ALDH9A1: variants seen among roughly 807,000 people sequenced by gnomAD.
ALDH9A1 encodes aldehyde dehydrogenase 9 family member A1.
Under a neutral mutation model 56.6 loss-of-function variants are expected in ALDH9A1, and 42 were observed. The observed-to-expected ratio is 0.74, with a 90% CI of 0.58 to 0.96. The LOEUF is 0.96. Ranked by LOEUF, ALDH9A1 falls within the 40% of genes least tolerant of loss-of-function variation. The pLI is 0.00. For missense variants in ALDH9A1, 661 were observed against 651.5 expected (o/e 1.01, Z -0.16); for synonymous variants, 242 against 236.0 (o/e 1.03, Z -0.23).
Position 165,678,057 on chromosome 1 carries a change from C to T in ALDH9A1, c.930+1385G>A, listed in dbSNP as rs1000060334. Among the ~76,000 whole-genome samples, 11 of 148,774 alleles carry T rather than the reference C, an allele frequency of 7.4e-5. No homozygotes were observed. The East Asian group carries it at 2.1e-3, about 28-fold the overall frequency. ...CTCAATAAAAAAATAAAATAAAGGC[C>T]GGGTACAGTGGCTCACACTTGTAAT... On this transcript the variant is annotated intron_variant, in intron 6 of 10. Coordinates refer to ENST00000354775, the MANE Select transcript of ALDH9A1 (RefSeq NM_000696.4).
Position 165,683,005 on chromosome 1 carries a change from C to A in ALDH9A1, c.433G>T (p.Ala145Ser). 6.2e-7 allele frequency: 1 copy of A among 1,614,052 alleles called. No homozygotes were observed. ...CCAGCCATGGATGCAGCCAAGCCCGCATAATACTCCAGGCACTGCCAGGAA... is the reference window on the plus strand; with the variant it reads ...CCAGCCATGGATGCAGCCAAGCCCGAATAATACTCCAGGCACTGCCAGGAA... ...DISWQCLEYY[A>S]GLAASMAGEH... The change falls in exon 3 of 11, where the codon GCG becomes TCG. Residue 145 changes from alanine to serine, a missense_variant. By Grantham distance (99) the Ala-to-Ser change is moderately conservative. Transcript: ENST00000354775.
intron 6 of ALDH9A1, among the ~76,000 whole-genome samples, chr1:165,675,880 A>G (rs1017612659): frequency 6.6e-6 from 1 of 152,178 alleles, no homozygotes; most frequent in Non-Finnish European, 1.5e-5. Flanking sequence ...CTCTAATTAG[A>G]AGGTTTATTT....
chr1:165,674,469 C>T (rs1649283497), intron 6 of ALDH9A1, among the ~76,000 whole-genome samples: 1 of 151,760 alleles, frequency 6.6e-6, no homozygotes, highest in Non-Finnish European at 1.5e-5. Context: ...GGCAGATCAC[C>T]TGAGGTCAGG....
At chr1:165,693,583 G>C (rs10918251) in intron 2 of ALDH9A1, among the ~76,000 whole-genome samples, 47,259 of 152,048 alleles carry the variant, frequency 0.31, 7,700 homozygotes, top group South Asian at 0.55. Context: ...TGGAGATGAT[G>C]TGGAGAAATA....
chr1:165,671,197 A>T (rs1649168164), intron 6 of ALDH9A1: 1 of 186,742 alleles, frequency 5.4e-6, no homozygotes, highest in Admixed American at 5.8e-5. Flanking sequence ...GCTATGAAGA[A>T]ATAGGTACTC....
At chr1:165,686,397 G>A (rs1649709265) in intron 2 of ALDH9A1, among the ~76,000 whole-genome samples, 1 of 152,038 alleles carries the variant, frequency 6.6e-6, no homozygotes, top group Admixed American at 6.6e-5. Context: ...GAGTGTGGAA[G>A]GGAAAAGAGC....
intron 1 of ALDH9A1, among the ~76,000 whole-genome samples, chr1:165,695,763 C>T (rs1021695812): frequency 1.3e-5 from 2 of 151,662 alleles, no homozygotes; most frequent in Admixed American, 1.3e-4. Flanking sequence ...CCCGAAGTGC[C>T]GGAATTACAG....
chr1:165,680,327 T>C (rs1390812457), intron 5 of ALDH9A1, among the ~76,000 whole-genome samples, 160 bp downstream of exon 5: 2 of 152,210 alleles, frequency 1.3e-5, no homozygotes, highest in Non-Finnish European at 2.9e-5. Flanking sequence ...TTCATACTTT[T>C]ACAGGAAATT....
In ALDH9A1 at chr1:165,682,172, C is replaced by A; in HGVS notation, c.527G>T (p.Gly176Val). The change falls in exon 4 of 11, where the codon GGA becomes GTA. Residue 176 changes from glycine to valine, a missense_variant. By Grantham distance (109) the Gly-to-Val change is moderately radical (BLOSUM62 -3). Coordinates refer to ENST00000354775, the MANE Select transcript of ALDH9A1 (RefSeq NM_000696.4). ...AAAGGGGTAGTTCCATGCTCCTATT[C>A]CCACACATACCCCAAGTGGTTCTCT... The part of the protein sequence containing the change: ...TRREPLGVCV[G>V]IGAWNYPFQI... 6.2e-7 allele frequency: 1 copy of A among 1,614,028 alleles called. No individual in the cohort carries two copies. Among genetic ancestry groups the A allele is most frequent in the Non-Finnish European group, 8.5e-7 (1 of 1,179,924 alleles).
Position 165,687,321 on chromosome 1 carries a change from C to A in ALDH9A1, c.328-4211G>T, listed in dbSNP as rs557486663. 7.9e-5 allele frequency among the ~76,000 whole-genome samples: 12 copies of A among 151,316 alleles called. No individual in the cohort carries two copies. The South Asian group carries it at 2.3e-3, about 29-fold the overall frequency. On this transcript the variant is annotated intron_variant, in intron 2 of 10. Coordinates refer to ENST00000354775, the MANE Select transcript of ALDH9A1 (RefSeq NM_000696.4). ...AAAAAAAAAACTAAAGAAATCATGG[C>A]CAAATTTTTTTTCCAAATGAAACAA...
intron 2 of ALDH9A1, among the ~76,000 whole-genome samples, chr1:165,691,117 C>T (rs1349936242): frequency 6.6e-6 from 1 of 152,140 alleles, no homozygotes; most frequent in Non-Finnish European, 1.5e-5. Flanking sequence ...CCAGTCGAGG[C>T]CGACTGACAC....
intron 5 of ALDH9A1, 62 bp from the exon 6 acceptor site, chr1:165,679,644 A>G: frequency 6.4e-7 from 1 of 1,571,740 alleles, no homozygotes; most frequent in Non-Finnish European, 8.7e-7. Flanking sequence ...TGCTAAGTCA[A>G]CTAGGCCCTG....
At chr1:165,670,170 C>T (rs557941661) in intron 6 of ALDH9A1, among the ~76,000 whole-genome samples, 1 of 152,320 alleles carries the variant, frequency 6.6e-6, no homozygotes, top group African/African-American at 2.4e-5. Flanking sequence ...CAGTGGCTCA[C>T]ATCTGTAATC....
At chr1:165,669,066 A>T in intron 7 of ALDH9A1, 53 bp from the exon 8 acceptor site, 10 of 1,475,526 alleles carry the variant, frequency 6.8e-6, no homozygotes, top group Non-Finnish European at 9.3e-6. Context: ...CCCAAAATGC[A>T]TTCCTGAAAT....
chr1:165,669,196 C>A, intron 7 of ALDH9A1, 66 bp downstream of exon 7: 3 of 1,462,898 alleles, frequency 2.1e-6, no homozygotes, highest in South Asian at 2.7e-5. Flanking sequence ...GAAAAGGGCA[C>A]AAAGCATGTG....
intron 8 of ALDH9A1, among the ~76,000 whole-genome samples, chr1:165,668,176 T>C (rs1008961438): frequency 2.0e-5 from 3 of 152,220 alleles, no homozygotes; most frequent in Admixed American, 2.0e-4. Context: ...CTGGTTTTAT[T>C]ATATTGATGA....
At chr1:165,695,195 C>T in intron 2 of ALDH9A1, 57 bp downstream of exon 2, 1 of 1,514,444 alleles carries the variant, frequency 6.6e-7, no homozygotes, top group Non-Finnish European at 8.8e-7. Context: ...CTGCAAACAT[C>T]ACAAAGAAAC....
At chr1:165,686,322 C>T (rs12409168) in intron 2 of ALDH9A1, among the ~76,000 whole-genome samples, 11,368 of 151,986 alleles carry the variant, frequency 0.075, 1,207 homozygotes, top group East Asian at 0.58. Flanking sequence ...GCCCAGCAGA[C>T]ACATGAGTTG....
rs759688639 is a variant in ALDH9A1 at position 165,679,429 on chromosome 1, G to T, written c.930+13C>A. On this transcript the variant is annotated intron_variant, in intron 6 of 10. Transcript: ENST00000354775. The stretch of plus-strand genomic sequence containing the variant: ...AGATTCCTTTTACACCTCTTCCAGG[G>T]ACAGGTACATACCTGGCCTTGTGTG... The T allele has an allele frequency of 4.3e-6, 7 of 1,613,796 alleles. No individual in the cohort carries two copies. In the East Asian group the frequency reaches 1.6e-4, roughly 36 times the overall value.
Sources: allele counts gnomAD v4.1 joint callset (sites outside exome capture counted in the v4.1 genomes callset), GRCh38; gene constraint gnomAD v4.1.1; transcripts MANE v1.5; gene names NCBI Gene and HGNC (gene_info 2026-07-23, HGNC 2026-07-21).